The following ARHGAP19 variants were observed in gnomAD, a reference collection of about 807,000 sequenced individuals.
The protein encoded by ARHGAP19 is rho GTPase-activating protein 19.
ARHGAP19 carries 48 observed loss-of-function variants against 60.9 expected under a neutral mutation model. The ratio of observed to expected loss-of-function variants is 0.79; its 90% confidence interval spans 0.62 to 1.00. ARHGAP19 has a LOEUF of 1.00. Among genes scored for constraint, ARHGAP19 ranks in the 50% least tolerant of loss-of-function variants. ARHGAP19 has a pLI of 0.00. For synonymous variants in ARHGAP19, 209 were observed against 215.5 expected, an observed-to-expected ratio of 0.97 and a Z score of 0.27; for missense variants, 562 against 597.2, an observed-to-expected ratio of 0.94 and a Z score of 0.61.
intron 1 of ARHGAP19, among the ~76,000 whole-genome samples, chr10:97,291,139 G>A (rs1169009193): frequency 1.3e-5 from 2 of 152,162 alleles, no homozygotes; most frequent in Admixed American, 1.3e-4. Context: ...GAGCACAGCG[G>A]GAGGGACAAG....
At chr10:97,233,368 A>ATAAT (rs1055421388) in intron 9 of ARHGAP19, among the ~76,000 whole-genome samples, 1 of 151,760 alleles carries the variant, frequency 6.6e-6, no homozygotes, top group African/African-American at 2.4e-5. Flanking sequence ...AAATAAATAA[A>ATAAT]TAAATATTAC....
intron 11 of ARHGAP19, among the ~76,000 whole-genome samples, chr10:97,227,658 G>A (rs1043511143): frequency 6.6e-6 from 1 of 152,122 alleles, no homozygotes; most frequent in African/African-American, 2.4e-5. Context: ...CCAATTGAGG[G>A]TCATTCATTA....
At chr10:97,249,063 A>G (rs1170651253) in intron 6 of ARHGAP19, among the ~76,000 whole-genome samples, 1 of 152,218 alleles carries the variant, frequency 6.6e-6, no homozygotes, top group Non-Finnish European at 1.5e-5. Context: ...ATTGACTAAC[A>G]CTTTGGAAAA....
intron 9 of ARHGAP19, among the ~76,000 whole-genome samples, chr10:97,231,111 T>G (rs1851007532): frequency 7.1e-6 from 1 of 140,140 alleles, no homozygotes. Context: ...AGAGGAACAT[T>G]TATCTGACTA....
At chr10:97,254,227 G>C (rs1194244168) in intron 6 of ARHGAP19, among the ~76,000 whole-genome samples, 1 of 152,056 alleles carries the variant, frequency 6.6e-6, no homozygotes, top group Non-Finnish European at 1.5e-5. Flanking sequence ...CCAAAACAAT[G>C]TTAAAAATGA....
At position 97,265,884 on chromosome 10, in the gene ARHGAP19, A is replaced by G; in HGVS notation, c.298T>C (p.Ser100Pro). The G allele has an allele frequency of 1.2e-6, 2 of 1,614,102 alleles. No homozygotes were observed. Among genetic ancestry groups the G allele is most frequent in the Non-Finnish European group, 1.7e-6 (2 of 1,180,014 alleles). ...GAGPASGFFR[S>P]LMSLKRKEKG... is the part of the protein sequence containing the mutation. ...CCCTTTCGCTTGAGAGACATGAGAGACCGGAAGAATCCTGATGCTGGGCCA... is the reference window on the plus strand; with the variant it reads ...CCCTTTCGCTTGAGAGACATGAGAGGCCGGAAGAATCCTGATGCTGGGCCA... Residue 100 changes from serine (S) to proline (P), a missense_variant, in exon 2 of 12, where the codon TCT becomes CCT. Ser to Pro is a moderately conservative substitution (Grantham distance 74, BLOSUM62 -1). Coordinates refer to ENST00000358531, the MANE Select transcript of ARHGAP19 (RefSeq NM_032900.6).
At chr10:97,285,276 C>T (rs1022985184) in intron 1 of ARHGAP19, among the ~76,000 whole-genome samples, 7 of 152,038 alleles carry the variant, frequency 4.6e-5, no homozygotes, top group Non-Finnish European at 8.8e-5. Flanking sequence ...TAACTACACA[C>T]TTAATAGGTA....
chr10:97,285,731 G>A (rs1458723314), intron 1 of ARHGAP19, among the ~76,000 whole-genome samples: 1 of 151,978 alleles, frequency 6.6e-6, no homozygotes, highest in Non-Finnish European at 1.5e-5. Flanking sequence ...TGTTGGCCAG[G>A]CTAGTCTCGA....
intron 1 of ARHGAP19, among the ~76,000 whole-genome samples, chr10:97,271,729 T>A (rs999198292): frequency 2.6e-5 from 4 of 152,096 alleles, no homozygotes; most frequent in African/African-American, 9.7e-5. Context: ...TCACCCAGGC[T>A]GCAGTGTAGT....
chr10:97,246,667 T>A (rs1180121957), intron 6 of ARHGAP19, among the ~76,000 whole-genome samples: 3 of 152,110 alleles, frequency 2.0e-5, no homozygotes, highest in Admixed American at 2.0e-4. Flanking sequence ...AACCACCCCC[T>A]CAAATCCTTA....
At chr10:97,282,132 T>C (rs1843092941) in intron 1 of ARHGAP19, among the ~76,000 whole-genome samples, 1 of 152,196 alleles carries the variant, frequency 6.6e-6, no homozygotes, top group African/African-American at 2.4e-5. Flanking sequence ...GCACTGCCTG[T>C]GAGCATGTCA....
rs538762276 is a variant in ARHGAP19 at position 97,250,207 on chromosome 10, A to G, written c.928-3870T>C. Among the ~76,000 whole-genome samples, 159 of 152,270 alleles carry G rather than the reference A, an allele frequency of 1.0e-3. 1 individual carries two copies. The South Asian group carries it at 0.031, about 30-fold the overall frequency. On this transcript the variant is annotated intron_variant, in intron 6 of 11. Transcript: ENST00000358531. ...TTCAGCCAAAAAAGTGTATGAACAT[A>G]TATAGAGAGAGATAAAGCTAATATG...
chr10:97,266,773 C>A (rs1435282929), intron 1 of ARHGAP19, among the ~76,000 whole-genome samples: 9 of 152,096 alleles, frequency 5.9e-5, no homozygotes, highest in African/African-American at 2.2e-4. Context: ...GGGTAACTGC[C>A]CTTTATAAAA....
At chr10:97,241,378 G>A (rs557317712) in intron 8 of ARHGAP19, among the ~76,000 whole-genome samples, 18 of 151,234 alleles carry the variant, frequency 1.2e-4, no homozygotes, top group African/African-American at 2.2e-4. Flanking sequence ...GCAACAGAGC[G>A]AGACTCCATC....
At chr10:97,242,324 C>CCTTTTTTTTTTTTTTTTTTTTTT (rs1842498449) in intron 8 of ARHGAP19, among the ~76,000 whole-genome samples, 2 of 55,796 alleles carry the variant, frequency 3.6e-5, no homozygotes, top group Non-Finnish European at 3.5e-5. Context: ...TATCAGTGTT[C>CCTTTTTTTTTTTTTTTTTTTTTT]TTTTTTTTTT....
At chr10:97,254,351 A>G (rs1589459661) in intron 6 of ARHGAP19, among the ~76,000 whole-genome samples, 1 of 152,218 alleles carries the variant, frequency 6.6e-6, no homozygotes, top group South Asian at 2.1e-4. Flanking sequence ...AAGTAGACCA[A>G]TGGAATAGAC....
Position 97,244,074 on chromosome 10 carries a change from G to A in ARHGAP19, c.1079C>T (p.Pro360Leu). 6.2e-7 allele frequency: 1 copy of A among 1,614,012 alleles called. No individual in the cohort carries two copies. The highest frequency in any genetic ancestry group is 8.5e-7 in the Non-Finnish European group (1 of 1,179,968). Reference protein sequence around the residue: ...SQKRNRVDSCPHQEETQHHTE... With the variant: ...SQKRNRVDSCLHQEETQHHTE... ...ATGGTGCTGGGTCTCCTCCTGGTGA[G>A]GGCAGGAATCTACCCGGTTCCGTTT... Residue 360 changes from proline (P) to leucine (L), a missense_variant, in exon 8 of 12, where the codon CCT becomes CTT. By Grantham distance (98) the Pro-to-Leu change is moderately conservative. Transcript: ENST00000358531.
intron 1 of ARHGAP19, among the ~76,000 whole-genome samples, chr10:97,278,310 A>T (rs569760064): frequency 6.6e-6 from 1 of 152,358 alleles, no homozygotes; most frequent in South Asian, 2.1e-4. Flanking sequence ...AATATTCTGC[A>T]CGAATCCTTG....
intron 1 of ARHGAP19, among the ~76,000 whole-genome samples, chr10:97,281,595 G>A (rs1319308091): frequency 1.3e-5 from 2 of 152,108 alleles, no homozygotes; most frequent in Non-Finnish European, 2.9e-5. Flanking sequence ...TAATTGCTTT[G>A]TAACTTTACG....
Sources: allele counts gnomAD v4.1 joint callset (sites outside exome capture counted in the v4.1 genomes callset), GRCh38; gene constraint gnomAD v4.1.1; transcripts MANE v1.5; gene names NCBI Gene and HGNC (gene_info 2026-07-23, HGNC 2026-07-21).